ANXA6: variants seen among roughly 807,000 people sequenced by gnomAD.
The protein encoded by ANXA6 is annexin A6.
Under a neutral mutation model 95.4 loss-of-function variants are expected in ANXA6, and 71 were observed. That is an observed-to-expected ratio of 0.74 (90% confidence interval 0.61 to 0.91). The LOEUF (loss-of-function observed/expected upper bound fraction) is 0.91, where lower values mean the gene tolerates loss of function less well. ANXA6 is among the 40% of genes least tolerant of loss of function. The probability of loss-of-function intolerance (pLI) is 0.00; values close to 1 mark genes in which losing one functional copy is unlikely to be tolerated. For missense variants in ANXA6, 830 were observed against 876.4 expected (o/e 0.95, Z 0.67); for synonymous variants, 289 against 315.9 (o/e 0.91, Z 0.90).
chr5:151,117,972 G>T, intron 18 of ANXA6, 135 bp from the exon 19 acceptor site: 1 of 657,126 alleles, frequency 1.5e-6, no homozygotes, highest in Non-Finnish European at 2.7e-6. Flanking sequence ...GTTTGTAACT[G>T]GCTCATGGGG....
At chr5:151,114,214 T>C (rs1000243665) in intron 20 of ANXA6, among the ~76,000 whole-genome samples, 13 of 152,124 alleles carry the variant, frequency 8.5e-5, no homozygotes, top group African/African-American at 1.2e-4. Flanking sequence ...ATTGTGGTGA[T>C]GGTTGCATTA....
intron 5 of ANXA6, among the ~76,000 whole-genome samples, 158 bp downstream of exon 5, chr5:151,138,520 G>A (rs567691374): frequency 5.9e-5 from 9 of 152,116 alleles, no homozygotes; most frequent in Non-Finnish European, 1.2e-4. Flanking sequence ...CTCTGTGTGC[G>A]GATCGGGATG....
chr5:151,110,743 G>C (rs1764826651), intron 20 of ANXA6, 99 bp from the exon 21 acceptor site: 1 of 1,364,690 alleles, frequency 7.3e-7, no homozygotes, highest in African/African-American at 1.4e-5. Context: ...AGGGTGAGGG[G>C]CCTGGCTGGG....
In ANXA6 at chr5:151,117,886, G is replaced by T. The variant is rs762053274; in HGVS notation, c.1439-49C>A. 3.9e-6 allele frequency: 6 copies of T among 1,525,140 alleles called. No homozygotes were observed. The African/African-American group carries it at 4.1e-5, about 10-fold the overall frequency. The allele number at this position is 1,525,140 out of a possible 1,614,324, so 94.5% of individuals were successfully genotyped here. A position where few individuals can be genotyped will look rare whatever the true frequency, so the allele number is the denominator to read the frequency against. ...GGTAGCTGCTGGCCAAGAAGGATTT[G>T]GTTGCGGGGAGGGAGGTCCAGGAAA... On this transcript the variant is annotated intron_variant, in intron 18 of 25. Transcript: ENST00000354546.
In ANXA6 at chr5:151,129,268, C is replaced by G. The variant is rs1028530931; in HGVS notation, c.918+139G>C. The stretch of plus-strand genomic sequence containing the variant: ...AATATCCTTAAATTCCTTGAATGAG[C>G]CACAAGGCAGGAGCTCCTGGAATGT... On this transcript the variant is annotated intron_variant, in intron 12 of 25. Transcript: ENST00000354546. 4.6e-6 allele frequency: 5 copies of G among 1,092,966 alleles called. No individual in the cohort carries two copies. The African/African-American group carries it at 7.9e-5, about 17-fold the overall frequency. The allele number at this position is 1,092,966 out of a possible 1,614,324, so 67.7% of individuals were successfully genotyped here.
At chr5:151,133,609 T>C (rs1765578607) in intron 8 of ANXA6, among the ~76,000 whole-genome samples, 1 of 152,214 alleles carries the variant, frequency 6.6e-6, no homozygotes, top group Non-Finnish European at 1.5e-5. Flanking sequence ...TATAATCTTA[T>C]AGGACTAGCA....
In ANXA6 at chr5:151,139,347, G is replaced by A. The variant is rs1765762142; in HGVS notation, c.204+6C>T. The A allele has an allele frequency of 6.2e-7, 1 of 1,604,562 alleles. No individual in the cohort carries two copies. The highest frequency in any genetic ancestry group is 8.5e-7 in the Non-Finnish European group (1 of 1,173,732). ...ACCCCATGGGCCCTCCGGTTGCTGT[G>A]GTTACCTTGCCGTAGAGGGACTTGT... On this transcript the variant is annotated splice_donor_region_variant and intron_variant, in intron 4 of 25. Transcript: ENST00000354546.
Position 151,119,301 on chromosome 5 carries a change from C to T in ANXA6, c.1437G>A (p.Glu479=), listed in dbSNP as rs1270188933. 1 of 1,612,682 alleles carries T rather than the reference C, an allele frequency of 6.2e-7. No homozygotes were observed. The highest frequency in any genetic ancestry group is 8.5e-7 in the Non-Finnish European group (1 of 1,179,724). The change falls in exon 18 of 26, where the codon GAG becomes GAA. Residue 479 remains glutamate, a splice_region_variant and synonymous_variant. Coordinates refer to ENST00000354546, the MANE Select transcript of ANXA6 (RefSeq NM_001155.5). ...TGGGCCCAGGCCTCCCAAACTCACC[C>T]TCCTTATAGGCCTCATTGATGGCCC... The part of the protein sequence containing the change: ...EIRAINEAYK[E]DYHKSLEDAL...
chr5:151,136,432 A>G (rs1765665217), intron 6 of ANXA6, 97 bp from the exon 7 acceptor site: 3 of 1,224,392 alleles, frequency 2.5e-6, no homozygotes, highest in East Asian at 4.9e-5. Flanking sequence ...GATATTTTTA[A>G]GAATTCCAAA....
rs758773003 is a variant in ANXA6, at chr5:151,117,115, T to TG, written c.1572+11dup. Reference sequence around the variant, plus strand: ...CCCGGCAGAGGTGACTGGGGTGGGCTGGGGGTCTTACCTGGGCATCTTCCC... The same window carrying TG: ...CCCGGCAGAGGTGACTGGGGTGGGCTGGGGGGTCTTACCTGGGCATCTTCCC... On this transcript the variant is annotated intron_variant, in intron 20 of 25. Transcript: ENST00000354546. 8 of 1,584,072 alleles carry TG rather than the reference T, an allele frequency of 5.1e-6. No individual in the cohort carries two copies. The highest frequency in any genetic ancestry group is 6.9e-6 in the Non-Finnish European group (8 of 1,161,720).
At chr5:151,156,157 T>C (rs780867977) in intron 1 of ANXA6, among the ~76,000 whole-genome samples, 16 of 152,230 alleles carry the variant, frequency 1.1e-4, no homozygotes, top group Non-Finnish European at 1.9e-4. Context: ...GATGAGTGAT[T>C]GTCACAGCTG....
At chr5:151,136,497 C>T (rs1401964073) in intron 6 of ANXA6, among the ~76,000 whole-genome samples, 162 bp from the exon 7 acceptor site, 2 of 152,164 alleles carry the variant, frequency 1.3e-5, no homozygotes, top group Non-Finnish European at 1.5e-5. Context: ...CACAGCTCTT[C>T]GTACTGACCA....
At chr5:151,143,535 G>A (rs183888269) in intron 2 of ANXA6, among the ~76,000 whole-genome samples, 10 of 152,220 alleles carry the variant, frequency 6.6e-5, no homozygotes, top group African/African-American at 1.9e-4. Flanking sequence ...TTTACTGAGA[G>A]TCTACTAAGT....
chr5:151,116,110 C>T (rs1302085365), intron 20 of ANXA6, among the ~76,000 whole-genome samples: 1 of 152,216 alleles, frequency 6.6e-6, no homozygotes, highest in African/African-American at 2.4e-5. Flanking sequence ...CTGTAACTGT[C>T]AGGTTCCAGC....
intron 20 of ANXA6, among the ~76,000 whole-genome samples, chr5:151,111,675 A>C (rs1764853238): frequency 6.6e-6 from 1 of 152,094 alleles, no homozygotes; most frequent in African/African-American, 2.4e-5. Flanking sequence ...TGCAACCTTG[A>C]CCTCCTGGGC....
chr5:151,140,837 C>A (rs1420033546), intron 2 of ANXA6, among the ~76,000 whole-genome samples: 1 of 152,216 alleles, frequency 6.6e-6, no homozygotes, highest in Non-Finnish European at 1.5e-5. Flanking sequence ...AGAAGCCAAG[C>A]CCAAAGAAGA....
rs767527912 is a variant in ANXA6 at position 151,105,227 on chromosome 5, G to A, written c.1839+18C>T. 1.6e-5 allele frequency: 25 copies of A among 1,610,928 alleles called. No individual in the cohort carries two copies. The highest frequency in any genetic ancestry group is 2.7e-5 in the African/African-American group (2 of 74,804). ...AGTCAGTGCTTGAAGGGAAAGGAACGCCAGCATGTTTTCTTACCTTCATGG... is the reference window on the plus strand; with the variant it reads ...AGTCAGTGCTTGAAGGGAAAGGAACACCAGCATGTTTTCTTACCTTCATGG... On this transcript the variant is annotated intron_variant, in intron 24 of 25. Coordinates refer to ENST00000354546, the MANE Select transcript of ANXA6 (RefSeq NM_001155.5).
chr5:151,136,861 C>T (rs148979790), intron 6 of ANXA6, among the ~76,000 whole-genome samples: 12 of 152,314 alleles, frequency 7.9e-5, no homozygotes, highest in East Asian at 3.9e-4. Flanking sequence ...ATTCTTTATA[C>T]GATTGGTTCC....
At position 151,137,326 on chromosome 5, in the gene ANXA6, G is replaced by T. The variant is rs2303034; in HGVS notation, c.319-5C>A. On this transcript the variant is annotated splice_region_variant and splice_polypyrimidine_tract_variant and intron_variant, in intron 5 of 25. Transcript: ENST00000354546. Reference sequence around the variant, plus strand: ...CTTCTCATCAGTGCCAATGCCCTGGGGGTAGAAAAAGAGCGCATGAATTAA... The same window carrying T: ...CTTCTCATCAGTGCCAATGCCCTGGTGGTAGAAAAAGAGCGCATGAATTAA... 2.4e-5 allele frequency: 38 copies of T among 1,610,592 alleles called. No individual in the cohort carries two copies. The African/African-American group carries it at 2.7e-4, about 11-fold the overall frequency.
Sources: allele counts gnomAD v4.1 joint callset (sites outside exome capture counted in the v4.1 genomes callset), GRCh38; gene constraint gnomAD v4.1.1; transcripts MANE v1.5; gene names NCBI Gene and HGNC (gene_info 2026-07-23, HGNC 2026-07-21).